Variants in SRSF11 observed in about 807,000 individuals in gnomAD.
SRSF11 encodes serine and arginine rich splicing factor 11.
SRSF11 carries 9 observed loss-of-function variants against 56.0 expected under a neutral mutation model. The ratio of observed to expected loss-of-function variants is 0.16; its 90% CI spans 0.10 to 0.28. The LOEUF (loss-of-function observed/expected upper bound fraction) is 0.28. SRSF11 is among the 10% of genes least tolerant of loss of function. The pLI is 1.00. For synonymous variants in SRSF11, 222 were observed against 215.3 expected, an observed-to-expected ratio of 1.03 and a Z score of -0.27; for missense variants, 421 against 600.7, an observed-to-expected ratio of 0.70 and a Z score of 3.13.
intron 1 of SRSF11, among the ~76,000 whole-genome samples, chr1:70,211,098 G>T (rs1452901643): frequency 6.6e-6 from 1 of 151,570 alleles, no homozygotes; most frequent in African/African-American, 2.4e-5. Context: ...CAGTATTCTT[G>T]CTCTTTTTTC....
intron 7 of SRSF11, 46 bp downstream of exon 7, chr1:70,239,566 A>G (rs185698624): frequency 5.4e-5 from 74 of 1,362,334 alleles, no homozygotes; most frequent in Non-Finnish European, 6.8e-5. Flanking sequence ...AAGATAATTT[A>G]TATATGTCAC....
chr1:70,244,376 T>G (rs1345280222), intron 7 of SRSF11, among the ~76,000 whole-genome samples: 1 of 152,180 alleles, frequency 6.6e-6, no homozygotes, highest in Non-Finnish European at 1.5e-5. Flanking sequence ...AGTCATACTT[T>G]TATTCTCCTT....
intron 7 of SRSF11, among the ~76,000 whole-genome samples, chr1:70,243,988 A>C (rs1050122698): frequency 9.9e-5 from 15 of 152,182 alleles, no homozygotes; most frequent in African/African-American, 3.1e-4. Context: ...GACACAATGG[A>C]TGGGGGCTCG....
intron 2 of SRSF11, 138 bp from the exon 3 acceptor site, chr1:70,232,130 A>G: frequency 2.6e-6 from 4 of 1,553,760 alleles, no homozygotes; most frequent in Non-Finnish European, 3.5e-6. Context: ...AATCATAGAA[A>G]TCAAGCTTTG....
At chr1:70,246,352 A>T (rs554872469) in intron 8 of SRSF11, among the ~76,000 whole-genome samples, 1 of 152,260 alleles carries the variant, frequency 6.6e-6, no homozygotes, top group Admixed American at 6.5e-5. Flanking sequence ...GCAGAAAAAG[A>T]AGCTTGCTTG....
rs757755071 is a variant in SRSF11 at position 70,232,278 on chromosome 1, T to C, written c.348T>C (p.Pro116=). The C allele has an allele frequency of 6.2e-7, 1 of 1,614,104 alleles. No individual in the cohort carries two copies. Among genetic ancestry groups the C allele is most frequent in the Non-Finnish European group, 8.5e-7 (1 of 1,180,036 alleles). The change falls in exon 3 of 12, where the codon CCT becomes CCC. Residue 116 remains proline (P), a synonymous_variant. Transcript: ENST00000370949. Reference sequence around the variant, plus strand: ...GATGTTTCTCTGCAGGAGTTATTCCTGATGAAGCTAAAGCTTTGTCTCTGT... The same window carrying C: ...GATGTTTCTCTGCAGGAGTTATTCCCGATGAAGCTAAAGCTTTGTCTCTGT... ...IVVPYAEGVI[P]DEAKALSLLA... is the part of the protein sequence containing the mutation.
At chr1:70,245,901 T>G (rs947642927) in intron 8 of SRSF11, among the ~76,000 whole-genome samples, 8 of 152,298 alleles carry the variant, frequency 5.3e-5, no homozygotes, top group Middle Eastern at 6.8e-3. Context: ...GAGTACAGAA[T>G]CAGTTTATGG....
intron 2 of SRSF11, chr1:70,228,997 G>GGAA: frequency 1.0e-6 from 1 of 977,296 alleles, no homozygotes; most frequent in Non-Finnish European, 1.2e-6. Flanking sequence ...TTGATAATCT[G>GGAA]GAAAAAAAAA....
chr1:70,240,486 A>G (rs927244078), intron 7 of SRSF11, among the ~76,000 whole-genome samples: 1 of 152,234 alleles, frequency 6.6e-6, no homozygotes, highest in Non-Finnish European at 1.5e-5. Context: ...ATTTGTTATT[A>G]CTTTGAAAAT....
upstream of SRSF11, among the ~76,000 whole-genome samples, chr1:70,217,245 G>A (rs1418230584): frequency 1.3e-5 from 2 of 151,802 alleles, no homozygotes; most frequent in African/African-American, 2.4e-5. Context: ...TGCAACCTCC[G>A]CCTCCCAGGT....
chr1:70,245,615 G>A lies in SRSF11; in HGVS notation c.932+800G>A, dbSNP rs183626169. On this transcript the variant is annotated intron_variant, in intron 8 of 11. Transcript: ENST00000370949. ...ATGATGATTGCTACTTGCTGATATT[G>A]GAAGAGGTTTGAGAATGACTCGAGT... Among the ~76,000 whole-genome samples, 400 of 152,306 alleles carry A rather than the reference G, an allele frequency of 2.6e-3. 1 individual carries two copies. Among genetic ancestry groups the A allele is most frequent in the African/African-American group, 9.3e-3 (386 of 41,570 alleles).
Position 70,250,004 on chromosome 1 carries a change from C to T in SRSF11, c.1075C>T (p.Arg359Trp), listed in dbSNP as rs752500794. The T allele has an allele frequency of 1.9e-6, 3 of 1,614,062 alleles. No homozygotes were observed. Among genetic ancestry groups the T allele is most frequent in the Non-Finnish European group, 1.7e-6 (2 of 1,179,992 alleles). Residue 359 changes from arginine to tryptophan, a missense_variant, in exon 10 of 12, where the codon CGG (arginine) becomes TGG (tryptophan). Physicochemically the swap from Arg to Trp is moderately radical, Grantham distance 101. Transcript: ENST00000370949. The stretch of plus-strand genomic sequence containing the variant: ...TGGCACAAGATCTCCTAAAAAGCCT[C>T]GGTCTCCTAAAAGAAAATTGTCCCG... ...RSGTRSPKKP[R>W]SPKRKLSRSP...
At chr1:70,249,356 C>T (rs768978364) in intron 9 of SRSF11, 1 of 152,306 alleles carries the variant, frequency 6.6e-6, no homozygotes, top group Non-Finnish European at 1.5e-5. Context: ...TAGTTTACTT[C>T]ACACGTCACC....
At chr1:70,218,332 T>C (rs1383067708), upstream of SRSF11, among the ~76,000 whole-genome samples, 1 of 152,236 alleles carries the variant, frequency 6.6e-6, no homozygotes, top group African/African-American at 2.4e-5. Context: ...TTGTTGTTGT[T>C]AGCTGCTAAA....
chr1:70,245,221 A>G lies in SRSF11; in HGVS notation c.932+406A>G, dbSNP rs754852908. 5.2e-4 allele frequency among the ~76,000 whole-genome samples: 79 copies of G among 152,292 alleles called. 1 individual carries two copies. The highest frequency in any genetic ancestry group is 3.4e-3 in the Middle Eastern group (1 of 294). On this transcript the variant is annotated intron_variant, in intron 8 of 11. Transcript: ENST00000370949. ...CAATTTCACAGCACTTAATTTTTTTAGCAACTGCTTTTTATCTCTTGCTAA... is the reference window on the plus strand; with the variant it reads ...CAATTTCACAGCACTTAATTTTTTTGGCAACTGCTTTTTATCTCTTGCTAA...
chr1:70,248,548 T>A (rs952500757), intron 9 of SRSF11: 2 of 151,892 alleles, frequency 1.3e-5, no homozygotes, highest in Non-Finnish European at 2.9e-5. Context: ...AGCATGAAAA[T>A]GAAACCAAAT....
chr1:70,206,563 C>A (rs1669044551), intron 1 of SRSF11, among the ~76,000 whole-genome samples: 1 of 151,958 alleles, frequency 6.6e-6, no homozygotes, highest in African/African-American at 2.4e-5. Context: ...ATTAATCCTG[C>A]CTAGTATGTG....
chr1:70,242,078 A>G (rs1675551966), intron 7 of SRSF11, among the ~76,000 whole-genome samples: 1 of 151,518 alleles, frequency 6.6e-6, no homozygotes, highest in East Asian at 2.0e-4. Context: ...CTGAAGCAGG[A>G]GAATCGCTTG....
intron 1 of SRSF11, among the ~76,000 whole-genome samples, chr1:70,226,481 G>A (rs755433270): frequency 6.6e-6 from 1 of 152,050 alleles, no homozygotes; most frequent in African/African-American, 2.4e-5. Context: ...ATTTGAGCAC[G>A]GGGGCAGTAC....
Sources: allele counts gnomAD v4.1 joint callset (sites outside exome capture counted in the v4.1 genomes callset), GRCh38; gene constraint gnomAD v4.1.1; transcripts MANE v1.5; gene names NCBI Gene and HGNC (gene_info 2026-07-23, HGNC 2026-07-21).